SEMA5A: variants seen among roughly 807,000 people sequenced by gnomAD.
The protein encoded by SEMA5A is semaphorin 5A.
In SEMA5A, 55 loss-of-function variants were observed where a neutral mutation model predicts 135.5. The ratio of observed to expected loss-of-function variants is 0.41; its 90% CI spans 0.33 to 0.51. The LOEUF is 0.51. Among genes scored for constraint, SEMA5A ranks in the 20% least tolerant of loss-of-function variants. SEMA5A has a pLI of 0.37. For missense variants in SEMA5A, 1,290 were observed against 1,419.9 expected, an observed-to-expected ratio of 0.91 and a Z score of 1.47; for synonymous variants, 580 against 546.5, an observed-to-expected ratio of 1.06 and a Z score of -0.85.
At chr5:9,156,741 A>T (rs2150268443) in intron 11 of SEMA5A, among the ~76,000 whole-genome samples, 1 of 152,326 alleles carries the variant, frequency 6.6e-6, no homozygotes, top group South Asian at 2.1e-4. Flanking sequence ...GAGTTTACAG[A>T]ACTATAGCCT....
intron 2 of SEMA5A, among the ~76,000 whole-genome samples, chr5:9,425,077 C>T (rs1166315770): frequency 6.6e-6 from 1 of 152,204 alleles, no homozygotes; most frequent in African/African-American, 2.4e-5. Flanking sequence ...CAAAGCCCTA[C>T]ATATGCTAAC....
chr5:9,084,575 CT>C (rs1184923248), intron 16 of SEMA5A, among the ~76,000 whole-genome samples: 1 of 152,182 alleles, frequency 6.6e-6, no homozygotes, highest in Non-Finnish European at 1.5e-5. Context: ...CTCTTGTCTC[CT>C]GCCATGTGAG....
At chr5:9,488,484 T>G (rs931824776) in intron 1 of SEMA5A, among the ~76,000 whole-genome samples, 19 of 152,316 alleles carry the variant, frequency 1.2e-4, no homozygotes, top group Admixed American at 5.2e-4. Flanking sequence ...TCTACCATCA[T>G]TCTGTCCTAT....
At chr5:9,287,334 T>C (rs1561109665) in intron 5 of SEMA5A, among the ~76,000 whole-genome samples, 1 of 152,244 alleles carries the variant, frequency 6.6e-6, no homozygotes, top group Non-Finnish European at 1.5e-5. Flanking sequence ...AGACATCACA[T>C]AATACAATAG....
rs748737115 is a variant in SEMA5A at position 9,226,887 on chromosome 5, A to G, written c.414T>C (p.Pro138=). Reference sequence around the variant, plus strand: ...GCCATACCGAGCGGTTGGTGCAGACAGGCGTGAATGCATTGGTCCCACAGG... The same window carrying G: ...GCCATACCGAGCGGTTGGTGCAGACGGGCGTGAATGCATTGGTCCCACAGG... ...LFTCGTNAFT[P]VCTNRSLSNL... Residue 138 remains proline (P), a synonymous_variant, in exon 7 of 23, where the codon CCT becomes CCC. Transcript: ENST00000382496. 3 of 1,600,048 alleles carry G rather than the reference A, an allele frequency of 1.9e-6. No homozygotes were observed. The highest frequency in any genetic ancestry group is 2.6e-6 in the Non-Finnish European group (3 of 1,172,110).
At chr5:9,350,929 A>T (rs549705894) in intron 3 of SEMA5A, among the ~76,000 whole-genome samples, 1 of 152,242 alleles carries the variant, frequency 6.6e-6, no homozygotes, top group African/African-American at 2.4e-5. Flanking sequence ...CTAGAAAATC[A>T]TTGAACCTGA....
intron 5 of SEMA5A, among the ~76,000 whole-genome samples, chr5:9,249,570 A>C (rs917073970): frequency 2.6e-5 from 4 of 152,146 alleles, no homozygotes; most frequent in South Asian, 2.1e-4. Flanking sequence ...TTTTGTTACA[A>C]GGGCCCAGCT....
intron 5 of SEMA5A, among the ~76,000 whole-genome samples, chr5:9,254,111 A>G (rs1185243015): frequency 6.6e-6 from 1 of 152,210 alleles, no homozygotes; most frequent in Non-Finnish European, 1.5e-5. Context: ...TTAACTCTCC[A>G]GTAATATTCC....
intron 5 of SEMA5A, chr5:9,265,597 C>A (rs151208342): frequency 1.8e-5 from 8 of 454,264 alleles, no homozygotes; most frequent in South Asian, 1.2e-4. Context: ...CAGTGCCTGG[C>A]GTCCCATGTT....
chr5:9,360,559 T>G (rs1312924679), intron 3 of SEMA5A, among the ~76,000 whole-genome samples: 2 of 152,202 alleles, frequency 1.3e-5, no homozygotes, highest in Non-Finnish European at 2.9e-5. Flanking sequence ...GAAGCTTTAG[T>G]ACACACTCTT....
chr5:9,149,376 G>A (rs978207715), intron 12 of SEMA5A, among the ~76,000 whole-genome samples: 2 of 152,194 alleles, frequency 1.3e-5, no homozygotes, highest in African/African-American at 4.8e-5. Context: ...AGGTGCGGTG[G>A]CCTATGCCTG....
chr5:9,412,576 G>A (rs1420331458), intron 2 of SEMA5A, among the ~76,000 whole-genome samples: 6 of 142,668 alleles, frequency 4.2e-5, no homozygotes, highest in African/African-American at 1.6e-4. Flanking sequence ...GGGCCAGAAC[G>A]GATTCAGATT....
At chr5:9,221,462 C>G (rs1232926828) in intron 8 of SEMA5A, among the ~76,000 whole-genome samples, 1 of 151,706 alleles carries the variant, frequency 6.6e-6, no homozygotes, top group Non-Finnish European at 1.5e-5. Flanking sequence ...ACCACCACGC[C>G]CGGCTAATTT....
At chr5:9,221,429 A>C (rs568985825) in intron 8 of SEMA5A, among the ~76,000 whole-genome samples, 2 of 149,468 alleles carry the variant, frequency 1.3e-5, no homozygotes, top group Admixed American at 6.7e-5. Flanking sequence ...CAGCCTCCCG[A>C]GTAGCTGGGA....
At chr5:9,274,881 A>C (rs959686453) in intron 5 of SEMA5A, among the ~76,000 whole-genome samples, 5 of 152,176 alleles carry the variant, frequency 3.3e-5, no homozygotes, top group African/African-American at 1.2e-4. Flanking sequence ...AGAAAGCAGG[A>C]AAGATCTAAA....
intron 5 of SEMA5A, among the ~76,000 whole-genome samples, chr5:9,288,178 A>G (rs1223529411): frequency 6.6e-6 from 1 of 152,220 alleles, no homozygotes; most frequent in Non-Finnish European, 1.5e-5. Flanking sequence ...ACCATCACAT[A>G]AGATAATTTG....
intron 18 of SEMA5A, among the ~76,000 whole-genome samples, chr5:9,061,698 T>A (rs1360808902): frequency 6.6e-6 from 1 of 152,158 alleles, no homozygotes; most frequent in Non-Finnish European, 1.5e-5. Context: ...GGGGGCTCTT[T>A]CGGCTCATTT....
chr5:9,072,499 A>G (rs1407264822), intron 16 of SEMA5A, among the ~76,000 whole-genome samples: 24 of 152,226 alleles, frequency 1.6e-4, no homozygotes, highest in African/African-American at 2.4e-5. Flanking sequence ...CTACACAGGA[A>G]TAGGGAAAGA....
intron 1 of SEMA5A, among the ~76,000 whole-genome samples, chr5:9,541,145 T>C (rs1738060738): frequency 6.6e-6 from 1 of 152,212 alleles, no homozygotes; most frequent in Non-Finnish European, 1.5e-5. Context: ...GTTATCCTGA[T>C]TGTCACTCGC....
Sources: allele counts gnomAD v4.1 joint callset (sites outside exome capture counted in the v4.1 genomes callset), GRCh38; gene constraint gnomAD v4.1.1; transcripts MANE v1.5; gene names NCBI Gene and HGNC (gene_info 2026-07-23, HGNC 2026-07-21).